The following SMCO4 variants were observed in gnomAD, a reference collection of about 807,000 sequenced individuals.
SMCO4 encodes single-pass membrane protein with coiled-coil domains 4, also known as single-pass membrane and coiled-coil domain-containing protein 4.
A neutral mutation model predicts 3.6 loss-of-function variants in SMCO4; 4 were observed. The observed-to-expected ratio is 1.11, with a 90% CI of 0.54 to 2.53. The LOEUF (loss-of-function observed/expected upper bound fraction) is 2.53, where lower values mean the gene tolerates loss of function less well. SMCO4 is among the 30% of genes most tolerant of loss of function. SMCO4 has a pLI of 0.02. For missense variants in SMCO4, 70 were observed against 80.8 expected, an observed-to-expected ratio of 0.87 and a Z score of 0.51; for synonymous variants, 36 against 35.3, an observed-to-expected ratio of 1.02 and a Z score of -0.07.
At chr11:93,483,272 C>T (rs1948612424) in intron 2 of SMCO4, among the ~76,000 whole-genome samples, 2 of 152,188 alleles carry the variant, frequency 1.3e-5, no homozygotes, top group Admixed American at 1.3e-4. Flanking sequence ...AGAGCACTGT[C>T]CATGCCCGCC....
At chr11:93,542,894 G>A (rs1949282512) in intron 1 of SMCO4, among the ~76,000 whole-genome samples, 1 of 152,122 alleles carries the variant, frequency 6.6e-6, no homozygotes, top group African/African-American at 2.4e-5. Flanking sequence ...CGGCCGCCCC[G>A]GCCCAAGCCC....
intron 1 of SMCO4, among the ~76,000 whole-genome samples, chr11:93,542,797 T>G (rs1242671048): frequency 1.3e-5 from 2 of 151,306 alleles, no homozygotes; most frequent in African/African-American, 4.9e-5. Context: ...CGCCGGACTC[T>G]TGTCCACTCC....
In SMCO4 at chr11:93,535,284, C is replaced by T. The variant is rs576314858; in HGVS notation, c.-154+7992G>A. 9.8e-5 allele frequency among the ~76,000 whole-genome samples: 15 copies of T among 152,288 alleles called. No homozygotes were observed. The East Asian group carries it at 2.9e-3, about 29-fold the overall frequency. On this transcript the variant is annotated intron_variant, in intron 1 of 2. Transcript: ENST00000298966. The stretch of plus-strand genomic sequence containing the variant: ...GGTACCACAATGCCACCACTGGTGG[C>T]ATGACGCTTACACCACCCTGAGCTG...
intron 1 of SMCO4, among the ~76,000 whole-genome samples, chr11:93,515,614 C>T (rs1187837499): frequency 2.0e-5 from 3 of 152,190 alleles, no homozygotes; most frequent in African/African-American, 7.2e-5. Flanking sequence ...ACACTCCCTT[C>T]TCTGCTTCTC....
chr11:93,517,414 T>G (rs1055532908), intron 1 of SMCO4, among the ~76,000 whole-genome samples: 11 of 152,216 alleles, frequency 7.2e-5, no homozygotes, highest in Non-Finnish European at 1.6e-4. Flanking sequence ...TTTGCTTTAG[T>G]TGGTAGAAAT....
At chr11:93,532,007 T>C (rs1949167461) in intron 1 of SMCO4, among the ~76,000 whole-genome samples, 2 of 152,180 alleles carry the variant, frequency 1.3e-5, no homozygotes, top group African/African-American at 2.4e-5. Flanking sequence ...CATACACTGA[T>C]TGTCTCATAT....
In SMCO4 at chr11:93,479,380, G is replaced by A. The variant is rs954590912; in HGVS notation, c.-80-111C>T. 1.8e-5 allele frequency: 20 copies of A among 1,095,520 alleles called. No homozygotes were observed. The African/African-American group carries it at 2.7e-4, about 15-fold the overall frequency. 67.9% of individuals were successfully genotyped at this position (1,095,520 alleles called of 1,614,324 possible). ...AAATATCTGCAACTTACATGACAAA[G>A]GGCTAAGAACAGAGGCCACACCAGG... is the stretch of plus-strand genomic sequence containing the variant. On this transcript the variant is annotated intron_variant, in intron 2 of 2. Transcript: ENST00000298966.
chr11:93,487,154 T>G (rs1296780449), intron 2 of SMCO4, among the ~76,000 whole-genome samples: 1 of 152,164 alleles, frequency 6.6e-6, no homozygotes, highest in African/African-American at 2.4e-5. Flanking sequence ...GTTCATCAAG[T>G]GTGCTTGCTT....
chr11:93,540,502 T>C (rs1018868820), intron 1 of SMCO4, among the ~76,000 whole-genome samples: 5 of 152,214 alleles, frequency 3.3e-5, no homozygotes, highest in African/African-American at 9.6e-5. Flanking sequence ...AGGGAGCCCG[T>C]TAAGAGTTTA....
chr11:93,482,217 G>A (rs773567928), intron 2 of SMCO4, among the ~76,000 whole-genome samples: 20 of 152,316 alleles, frequency 1.3e-4, no homozygotes, highest in Non-Finnish European at 2.4e-4. Context: ...CTGAGATAAC[G>A]ACTGGGGAGG....
At chr11:93,534,215 T>TAC (rs71064754) in intron 1 of SMCO4, among the ~76,000 whole-genome samples, 34 of 128,410 alleles carry the variant, frequency 2.6e-4, no homozygotes, top group African/African-American at 8.6e-4. Flanking sequence ...AATATATATA[T>TAC]ACACACACAC....
In SMCO4 at chr11:93,479,237, G is replaced by A. The variant is rs1480654831; in HGVS notation, c.-48C>T. Reference sequence around the variant, plus strand: ...GGTGTGTCCAGAGGGATTCCAGGAAGGGCCACACTCCTCTTGCCAAGGCTG... The same window carrying A: ...GGTGTGTCCAGAGGGATTCCAGGAAAGGCCACACTCCTCTTGCCAAGGCTG... On this transcript the variant is annotated 5_prime_UTR_variant, in exon 3 of 3. Transcript: ENST00000298966. 2 of 1,587,760 alleles carry A rather than the reference G, an allele frequency of 1.3e-6. No individual in the cohort carries two copies.
In SMCO4 at chr11:93,506,050, C is replaced by T. The variant is rs11020386; in HGVS notation, c.-153-6702G>A. On this transcript the variant is annotated intron_variant, in intron 1 of 2. Transcript: ENST00000298966. ...TAACCAGAAATGCTGAATATACACA[C>T]GTGTGCATTTATACACACATACACA... Among the ~76,000 whole-genome samples the T allele has an allele frequency of 3.5e-3, 527 of 152,194 alleles. 16 individuals are homozygous for T. The East Asian group carries it at 0.072, about 21-fold the overall frequency.
At chr11:93,484,163 A>G (rs1948622378) in intron 2 of SMCO4, among the ~76,000 whole-genome samples, 1 of 152,064 alleles carries the variant, frequency 6.6e-6, no homozygotes, top group Non-Finnish European at 1.5e-5. Context: ...GCATGGGGAC[A>G]CTCCAAATGG....
intron 1 of SMCO4, among the ~76,000 whole-genome samples, chr11:93,516,941 C>T (rs1293067335): frequency 6.6e-6 from 1 of 152,118 alleles, no homozygotes; most frequent in Non-Finnish European, 1.5e-5. Context: ...CCTTCCCTGC[C>T]TCATAGCCCT....
At chr11:93,502,442 G>A (rs1215421002) in intron 1 of SMCO4, among the ~76,000 whole-genome samples, 1 of 152,082 alleles carries the variant, frequency 6.6e-6, no homozygotes, top group African/African-American at 2.4e-5. Context: ...TTTCTTGCAT[G>A]GTCAGAATAC....
intron 2 of SMCO4, among the ~76,000 whole-genome samples, chr11:93,492,159 A>G (rs2658803): frequency 0.66 from 100,077 of 152,082 alleles, 33,218 homozygotes; most frequent in African/African-American, 0.7. Flanking sequence ...CAGGCGAGTA[A>G]GCTCCAGCAA....
chr11:93,494,518 C>T (rs952101460), intron 2 of SMCO4, among the ~76,000 whole-genome samples: 3 of 152,158 alleles, frequency 2.0e-5, no homozygotes, highest in African/African-American at 4.8e-5. Flanking sequence ...GGAATCCAAC[C>T]GCCTGTGTCC....
At chr11:93,502,401 C>T (rs1013618917) in intron 1 of SMCO4, among the ~76,000 whole-genome samples, 13 of 151,996 alleles carry the variant, frequency 8.6e-5, no homozygotes, top group Non-Finnish European at 1.3e-4. Flanking sequence ...GGTGACTTCA[C>T]AAAGCAAGGA....
Sources: allele counts gnomAD v4.1 joint callset (sites outside exome capture counted in the v4.1 genomes callset), GRCh38; gene constraint gnomAD v4.1.1; transcripts MANE v1.5; gene names NCBI Gene and HGNC (gene_info 2026-07-23, HGNC 2026-07-21).